AMMECR1: variants seen among roughly 807,000 people sequenced by gnomAD.
AMMECR1 encodes AMMECR nuclear protein 1, also known as nuclear protein AMMECR1.
Under a neutral mutation model 22.5 loss-of-function variants are expected in AMMECR1, and 3 were observed. That is an observed-to-expected ratio of 0.13 (90% CI 0.06 to 0.35). The LOEUF is 0.35. Ranked by LOEUF, AMMECR1 falls within the 10% of genes least tolerant of loss-of-function variation. AMMECR1 has a pLI of 1.00. For missense variants in AMMECR1, 235 were observed against 278.7 expected (o/e 0.84, Z 1.12); for synonymous variants, 130 against 116.7 (o/e 1.11, Z -0.74).
At chrX:110,340,477 T>C (rs1395002054) in intron 2 of AMMECR1, among the ~76,000 whole-genome samples, 1 of 112,063 alleles carries the variant, frequency 8.9e-6, no homozygotes, top group African/African-American at 3.2e-5. Flanking sequence ...CCAGTCTTGC[T>C]GAGGAGGGCA....
chrX:110,404,000 C>T (rs1391004605), intron 2 of AMMECR1, among the ~76,000 whole-genome samples: 1 of 112,552 alleles, frequency 8.9e-6, no homozygotes, highest in Non-Finnish European at 1.9e-5. Context: ...GTGCTCAGCA[C>T]ACAGTCCAGC....
chrX:110,395,075 G>A (rs182681036), intron 2 of AMMECR1, among the ~76,000 whole-genome samples: 1 of 112,865 alleles, frequency 8.9e-6, no homozygotes, highest in African/African-American at 3.2e-5. Flanking sequence ...CAAAGCATTT[G>A]TCATGGAAGG....
chrX:110,348,041 A>G (rs902570136), intron 2 of AMMECR1, among the ~76,000 whole-genome samples: 2 of 112,170 alleles, frequency 1.8e-5, no homozygotes, highest in East Asian at 5.5e-4. Context: ...GAATTTATGT[A>G]TGTAAACGTA....
At chrX:110,317,449 G>A (rs886860914) in intron 1 of AMMECR1, 150 bp downstream of exon 1, 1 of 969,327 alleles carries the variant, frequency 1.0e-6, no homozygotes, top group Non-Finnish European at 1.3e-6. Context: ...AAAAGCGCAG[G>A]GTGCCCTTAG....
At chrX:110,357,627 C>T (rs1281945806) in intron 2 of AMMECR1, among the ~76,000 whole-genome samples, 1 of 112,480 alleles carries the variant, frequency 8.9e-6, no homozygotes, top group African/African-American at 3.2e-5. Context: ...GATATAGTTA[C>T]ATTTTCAAAG....
rs756112724 is a variant in AMMECR1 at position 110,317,841 on chromosome X, G to A, written c.231C>T (p.Gly77=). The A allele has an allele frequency of 3.4e-5, 40 of 1,166,011 alleles. No individual in the cohort carries two copies. The Admixed American group carries it at 4.4e-4, about 13-fold the overall frequency. Reference sequence around the variant, plus strand: ...ACAGGGCGATCCCCCCGCCGCCGCCGCCGCAGCCCTGGGGGGGAGAGAGGG... The same window carrying A: ...ACAGGGCGATCCCCCCGCCGCCGCCACCGCAGCCCTGGGGGGGAGAGAGGG... ...GCTLSPPQGC[G]GGGGGIALSP... is the part of the protein sequence containing the mutation. The change falls in exon 1 of 6, where the codon GGC becomes GGT. Residue 77 remains glycine, a synonymous_variant. Transcript: ENST00000262844.
chrX:110,373,196 T>G (rs886711250), intron 2 of AMMECR1, among the ~76,000 whole-genome samples: 1 of 111,869 alleles, frequency 8.9e-6, no homozygotes, highest in Non-Finnish European at 1.9e-5. Context: ...GCATCCTGAC[T>G]CCAGGACCAT....
chrX:110,222,493 GC>G (rs2067507852), intron 2 of AMMECR1, among the ~76,000 whole-genome samples: 1 of 92,350 alleles, frequency 1.1e-5, no homozygotes, highest in African/African-American at 4.0e-5. Context: ...TATACCTAAT[GC>G]TAGATGACGA....
chrX:110,317,482 C>A, intron 1 of AMMECR1, 117 bp downstream of exon 1: 3 of 1,061,893 alleles, frequency 2.8e-6, no homozygotes, highest in Non-Finnish European at 3.7e-6. Context: ...GCTCCGGGGA[C>A]CCGGGCAGCG....
At chrX:110,230,129 C>G (rs1003925844) in intron 2 of AMMECR1, among the ~76,000 whole-genome samples, 4 of 112,769 alleles carry the variant, frequency 3.5e-5, no homozygotes, top group South Asian at 3.6e-4. Context: ...ACATCCCTGT[C>G]TGACAGCTCT....
intron 2 of AMMECR1, among the ~76,000 whole-genome samples, chrX:110,384,341 G>A (rs762892443): frequency 9.0e-6 from 1 of 110,793 alleles, no homozygotes; most frequent in African/African-American, 3.3e-5. Context: ...GCTCATAATT[G>A]TTGTATGATC....
chrX:110,236,392 A>G (rs1409106168), intron 2 of AMMECR1, among the ~76,000 whole-genome samples: 1 of 108,489 alleles, frequency 9.2e-6, no homozygotes, highest in East Asian at 2.8e-4. Flanking sequence ...ACAAAAAAAG[A>G]AAAAAAAAAG....
chrX:110,231,980 T>C (rs912220238), intron 2 of AMMECR1, among the ~76,000 whole-genome samples: 2 of 111,480 alleles, frequency 1.8e-5, no homozygotes, highest in African/African-American at 6.5e-5. Flanking sequence ...CCTAAATATA[T>C]ATGCACCCAA....
intron 2 of AMMECR1, among the ~76,000 whole-genome samples, chrX:110,414,578 A>G (rs896323748): frequency 2.7e-5 from 3 of 113,185 alleles, no homozygotes; most frequent in African/African-American, 9.6e-5. Flanking sequence ...TGAGGCACAG[A>G]CAGGTTAAGT....
In AMMECR1 at chrX:110,198,619, C is replaced by G. The variant is rs1166298039; in HGVS notation, c.903G>C (p.Lys301Asn). The change falls in exon 6 of 6, where the codon AAG becomes AAC. Residue 301 changes from lysine (K) to asparagine (N), a missense_variant. Physicochemically the swap from Lys to Asn is moderately conservative, Grantham distance 94 (BLOSUM62 0). This residue lies in a region of AMMECR1 where 111 missense variants were observed against 181.7 expected (regional missense o/e 0.61). Coordinates refer to ENST00000262844, the MANE Select transcript of AMMECR1 (RefSeq NM_015365.3). ...TIKLTRYRSEKMTLSYAEYLA... is the reference protein window; with the variant it reads ...TIKLTRYRSENMTLSYAEYLA... ...GGTATTCAGCATAGCTCAGGGTCAT[C>G]TTTTCACTACGATACCTGAAAGAAA... 1.8e-5 allele frequency: 22 copies of G among 1,195,655 alleles called. No homozygotes were observed. The highest frequency in any genetic ancestry group is 2.3e-5 in the Non-Finnish European group (20 of 882,998).
chrX:110,226,753 A>G (rs1257985581), intron 2 of AMMECR1, among the ~76,000 whole-genome samples: 2 of 112,290 alleles, frequency 1.8e-5, no homozygotes, highest in East Asian at 2.8e-4. Flanking sequence ...ACATTTAATC[A>G]GTATTAAGGA....
In AMMECR1 at chrX:110,224,863, T is replaced by C. The variant is rs1402047869; in HGVS notation, c.585-8231A>G. 4 of 284,176 alleles carry C rather than the reference T, an allele frequency of 1.4e-5. No homozygotes were observed. The East Asian group carries it at 4.0e-4, about 29-fold the overall frequency. The allele number at this position is 284,176 out of a possible 1,213,427, so 23.4% of individuals were successfully genotyped here. On this transcript the variant is annotated intron_variant, in intron 2 of 5. Transcript: ENST00000262844. ...AGAAAAATGATTTCTAAGCAGCAGA[T>C]ACAGAATGAGAGATGAGAGATTCCA...
chrX:110,306,220 G>A (rs773429821), intron 1 of AMMECR1, among the ~76,000 whole-genome samples: 67 of 99,812 alleles, frequency 6.7e-4, no homozygotes, highest in African/African-American at 2.3e-3. Flanking sequence ...GTGTGAACCC[G>A]GAGGCAGAGC....
At chrX:110,233,603 T>C (rs2067582378) in intron 2 of AMMECR1, among the ~76,000 whole-genome samples, 1 of 111,942 alleles carries the variant, frequency 8.9e-6, no homozygotes, top group Non-Finnish European at 1.9e-5. Context: ...GCAAACCGAA[T>C]CCAGTAGCAC....
Sources: allele counts gnomAD v4.1 joint callset (sites outside exome capture counted in the v4.1 genomes callset), GRCh38; gene constraint gnomAD v4.1.1; regional missense constraint gnomAD v4.1.1; transcripts MANE v1.5; gene names NCBI Gene and HGNC (gene_info 2026-07-23, HGNC 2026-07-21).